PRDM16: variants seen among roughly 807,000 people sequenced by gnomAD.
PRDM16 encodes PR/SET domain 16, also known as histone-lysine N-methyltransferase PRDM16.
A neutral mutation model predicts 110.6 loss-of-function variants in PRDM16; 23 were observed. That is an observed-to-expected ratio of 0.21 (90% CI 0.15 to 0.29). PRDM16 has a LOEUF of 0.29. Ranked by LOEUF, PRDM16 falls within the 10% of genes least tolerant of loss-of-function variation. The pLI, the probability that PRDM16 is intolerant of heterozygous loss-of-function variation, is 1.00. For synonymous variants in PRDM16, 799 were observed against 781.8 expected (o/e 1.02, Z -0.37); for missense variants, 1,615 against 1,794.3 (o/e 0.90, Z 1.81).
chr1:3,149,194 A>C (rs1643732638), intron 1 of PRDM16, among the ~76,000 whole-genome samples: 1 of 152,142 alleles, frequency 6.6e-6, no homozygotes, highest in Non-Finnish European at 1.5e-5. Context: ...CCTGCATGAG[A>C]TATTGTCAGC....
rs1638885167 is a variant in PRDM16 at position 3,435,605 on chromosome 1, A to T, written c.*1794A>T. On this transcript the variant is annotated 3_prime_UTR_variant, in exon 17 of 17. Coordinates refer to ENST00000270722, the MANE Select transcript of PRDM16 (RefSeq NM_022114.4). ...ATGCCCAAGTTGCCCTTTAAAAAAA[A>T]AGAGCGTAAATACAAACAGGAGTGG... 4.3e-6 allele frequency: 1 copy of T among 232,812 alleles called. No homozygotes were observed. Among genetic ancestry groups the T allele is most frequent in the East Asian group, 6.0e-5 (1 of 16,554 alleles). 14.4% of individuals were successfully genotyped at this position (232,812 alleles called of 1,614,324 possible).
At chr1:3,205,019 G>C (rs917630977) in intron 2 of PRDM16, among the ~76,000 whole-genome samples, 1 of 152,122 alleles carries the variant, frequency 6.6e-6, no homozygotes, top group Non-Finnish European at 1.5e-5. Flanking sequence ...AAGGGGAAAC[G>C]CAGGCCCGGG....
chr1:3,313,348 A>T (rs1462221007), intron 3 of PRDM16, among the ~76,000 whole-genome samples: 1 of 152,166 alleles, frequency 6.6e-6, no homozygotes, highest in African/African-American at 2.4e-5. Flanking sequence ...GAGCTCCCAG[A>T]CCGGAGGGCG....
chr1:3,354,785 C>G (rs1311186812), intron 3 of PRDM16, among the ~76,000 whole-genome samples: 3 of 152,186 alleles, frequency 2.0e-5, no homozygotes, highest in Non-Finnish European at 4.4e-5. Context: ...GCAAGAGGCT[C>G]CTGATACCAA....
At chr1:3,167,566 CTG>C (rs1643974245) in intron 1 of PRDM16, among the ~76,000 whole-genome samples, 2 of 148,028 alleles carry the variant, frequency 1.4e-5, no homozygotes, top group Admixed American at 6.7e-5. Flanking sequence ...GCATTGCCCC[CTG>C]CTCCTGCCAT....
At chr1:3,377,397 C>A (rs940409277) in intron 3 of PRDM16, among the ~76,000 whole-genome samples, 1 of 152,238 alleles carries the variant, frequency 6.6e-6, no homozygotes, top group Admixed American at 6.5e-5. Context: ...GCTGGCCATG[C>A]CCACTGAACC....
At chr1:3,123,238 G>T (rs1352341360) in intron 1 of PRDM16, among the ~76,000 whole-genome samples, 1 of 152,258 alleles carries the variant, frequency 6.6e-6, no homozygotes, top group Non-Finnish European at 1.5e-5. Flanking sequence ...CTTGGTATCA[G>T]GTTCCCAGGA....
chr1:3,170,152 T>C (rs1239744976), intron 1 of PRDM16, among the ~76,000 whole-genome samples: 3 of 152,244 alleles, frequency 2.0e-5, no homozygotes. Context: ...AAGTTCTTGA[T>C]TCCGTGGTTA....
chr1:3,376,400 G>A (rs1379218377), intron 3 of PRDM16, among the ~76,000 whole-genome samples: 6 of 152,202 alleles, frequency 3.9e-5, no homozygotes, highest in African/African-American at 1.4e-4. Flanking sequence ...TGCCCTCAGA[G>A]TCCCACTGGG....
chr1:3,284,084 G>A (rs910076651), intron 3 of PRDM16, among the ~76,000 whole-genome samples: 8 of 152,164 alleles, frequency 5.3e-5, no homozygotes, highest in African/African-American at 1.7e-4. Context: ...CCATGGCCTG[G>A]GCCTGGGGCA....
intron 1 of PRDM16, among the ~76,000 whole-genome samples, chr1:3,099,223 C>T (rs891936828): frequency 2.0e-5 from 3 of 152,210 alleles, no homozygotes; most frequent in African/African-American, 7.2e-5. Flanking sequence ...GTGGACTGCC[C>T]GTCTGACCAA....
chr1:3,225,775 T>A (rs1390783194), intron 2 of PRDM16, among the ~76,000 whole-genome samples: 1 of 152,124 alleles, frequency 6.6e-6, no homozygotes, highest in East Asian at 1.9e-4. Flanking sequence ...ACATCTGGGC[T>A]CCAAGTGGGC....
chr1:3,182,800 A>C (rs1459639177), intron 1 of PRDM16, among the ~76,000 whole-genome samples: 1 of 152,182 alleles, frequency 6.6e-6, no homozygotes, highest in Non-Finnish European at 1.5e-5. Flanking sequence ...GAAGATCCCC[A>C]AGCACATAGA....
At chr1:3,369,607 G>A (rs897010661) in intron 3 of PRDM16, among the ~76,000 whole-genome samples, 15 of 152,240 alleles carry the variant, frequency 9.9e-5, no homozygotes, top group Non-Finnish European at 1.6e-4. Flanking sequence ...CCGGACTGTG[G>A]CTGAGCTCCA....
rs879559366 is a variant in PRDM16 at position 3,186,057 on chromosome 1, G to A, written c.38-68G>A. The stretch of plus-strand genomic sequence containing the variant: ...GCCCATTGATGCCCGAGTCCCCGGC[G>A]CTCCCTGAGCTGTACACACTGGGTG... On this transcript the variant is annotated intron_variant, in intron 1 of 16. Coordinates refer to ENST00000270722, the MANE Select transcript of PRDM16 (RefSeq NM_022114.4). The A allele has an allele frequency of 5.5e-5, 75 of 1,352,692 alleles. No homozygotes were observed. The Admixed American group carries it at 1.0e-3, about 19-fold the overall frequency. 83.8% of individuals were successfully genotyped at this position (1,352,692 alleles called of 1,614,324 possible).
At chr1:3,263,785 C>G (rs1008215901) in intron 3 of PRDM16, among the ~76,000 whole-genome samples, 1 of 152,224 alleles carries the variant, frequency 6.6e-6, no homozygotes, top group Non-Finnish European at 1.5e-5. Flanking sequence ...GAACGTGAAG[C>G]CAGGAGAAGC....
chr1:3,254,276 TC>T (rs1305241984), intron 3 of PRDM16, among the ~76,000 whole-genome samples: 1 of 152,172 alleles, frequency 6.6e-6, no homozygotes, highest in Non-Finnish European at 1.5e-5. Flanking sequence ...CTCTCACCAC[TC>T]CTATTCAACA....
At chr1:3,349,880 G>C (rs892645470) in intron 3 of PRDM16, among the ~76,000 whole-genome samples, 1 of 152,224 alleles carries the variant, frequency 6.6e-6, no homozygotes, top group African/African-American at 2.4e-5. Context: ...AAAGCCCGGG[G>C]CTGGGCTTGC....
At chr1:3,428,560 C>T (rs1638683368) in intron 14 of PRDM16, among the ~76,000 whole-genome samples, 1 of 152,194 alleles carries the variant, frequency 6.6e-6, no homozygotes, top group Non-Finnish European at 1.5e-5. Context: ...TGGCCTGGTC[C>T]TGAGAGCCCC....
Sources: allele counts gnomAD v4.1 joint callset (sites outside exome capture counted in the v4.1 genomes callset), GRCh38; gene constraint gnomAD v4.1.1; transcripts MANE v1.5; gene names NCBI Gene and HGNC (gene_info 2026-07-23, HGNC 2026-07-21).